The following TRIM23 variants were observed in gnomAD, a reference collection of about 807,000 sequenced individuals.
TRIM23 encodes tripartite motif containing 23.
TRIM23 carries 27 observed loss-of-function variants against 71.0 expected under a neutral mutation model. That is an observed-to-expected ratio of 0.38 (90% confidence interval 0.28 to 0.52). The LOEUF is 0.52. Among genes scored for constraint, TRIM23 ranks in the 20% least tolerant of loss-of-function variants. The probability of loss-of-function intolerance (pLI) is 0.84; values close to 1 mark genes in which losing one functional copy is unlikely to be tolerated. For synonymous variants in TRIM23, 234 were observed against 238.0 expected (o/e 0.98, Z 0.16); for missense variants, 482 against 692.3 (o/e 0.70, Z 3.41).
chr5:65,594,270 GTCT>G (rs1477954918), intron 10 of TRIM23, among the ~76,000 whole-genome samples: 1 of 152,088 alleles, frequency 6.6e-6, no homozygotes, highest in African/African-American at 2.4e-5. Flanking sequence ...TTACTTATCA[GTCT>G]TCTTCGTATT....
chr5:65,610,783 C>T, intron 5 of TRIM23, 78 bp downstream of exon 5: 2 of 1,260,274 alleles, frequency 1.6e-6, no homozygotes, highest in South Asian at 1.5e-5. Context: ...TTGTAATTGC[C>T]CATTAATTAC....
chr5:65,619,296 T>G (rs1754856342), intron 1 of TRIM23, among the ~76,000 whole-genome samples: 1 of 152,150 alleles, frequency 6.6e-6, no homozygotes, highest in Non-Finnish European at 1.5e-5. Flanking sequence ...GGCCCCGATG[T>G]ACTCTGTATA....
At chr5:65,621,752 A>G (rs1205515139) in intron 1 of TRIM23, among the ~76,000 whole-genome samples, 1 of 152,156 alleles carries the variant, frequency 6.6e-6, no homozygotes, top group African/African-American at 2.4e-5. Flanking sequence ...AAAAATGCCA[A>G]AAAAGCTTCA....
intron 5 of TRIM23, among the ~76,000 whole-genome samples, chr5:65,610,321 C>T (rs1357421787): frequency 6.6e-6 from 1 of 152,202 alleles, no homozygotes; most frequent in Non-Finnish European, 1.5e-5. Flanking sequence ...TGGCTCATCA[C>T]TGTCCTTAAA....
In TRIM23 at chr5:65,621,682, G is replaced by C. The variant is rs184774284; in HGVS notation, c.81+2512C>G. ...AATATTTCCTCAGTATCTATAAATA[G>C]GAATTGTGGTTAACAGCAAAAAACC... On this transcript the variant is annotated intron_variant, in intron 1 of 10. Transcript: ENST00000231524. 1.6e-3 allele frequency among the ~76,000 whole-genome samples: 243 copies of C among 152,022 alleles called. 1 individual carries two copies. The highest frequency in any genetic ancestry group is 2.8e-3 in the Non-Finnish European group (191 of 68,002).
chr5:65,592,876 G>A (rs1335018540), intron 10 of TRIM23, among the ~76,000 whole-genome samples: 1 of 152,120 alleles, frequency 6.6e-6, no homozygotes, highest in Non-Finnish European at 1.5e-5. Flanking sequence ...TTGTGTGGCT[G>A]CAACATAATT....
Position 65,591,271 on chromosome 5 carries a change from A to G in TRIM23, c.*498T>C. Reference sequence around the variant, plus strand: ...CATAAAGTAATCCTATTATCCAAATATGTAGTTTGGATTCTATTTCATTAA... The same window carrying G: ...CATAAAGTAATCCTATTATCCAAATGTGTAGTTTGGATTCTATTTCATTAA... On this transcript the variant is annotated 3_prime_UTR_variant, in exon 11 of 11. Transcript: ENST00000231524. 1 of 1,347,586 alleles carries G rather than the reference A, an allele frequency of 7.4e-7. No homozygotes were observed. The highest frequency in any genetic ancestry group is 9.5e-7 in the Non-Finnish European group (1 of 1,052,172). 83.5% of individuals were successfully genotyped at this position (1,347,586 alleles called of 1,614,324 possible). A position where few individuals can be genotyped will look rare whatever the true frequency, so the allele number is the denominator to read the frequency against.
Position 65,590,586 on chromosome 5 carries a change from C to T in TRIM23, c.*1183G>A. 4 of 1,023,706 alleles carry T rather than the reference C, an allele frequency of 3.9e-6. No individual in the cohort carries two copies. Among genetic ancestry groups the T allele is most frequent in the Non-Finnish European group, 4.7e-6 (4 of 846,302 alleles). 63.4% of individuals were successfully genotyped at this position (1,023,706 alleles called of 1,614,324 possible). On this transcript the variant is annotated 3_prime_UTR_variant, in exon 11 of 11. Transcript: ENST00000231524. ...TCTCAATGTACCTATTTAAATAAATCGTGCTTCCATAATAATATTCTTTAA... is the reference window on the plus strand; with the variant it reads ...TCTCAATGTACCTATTTAAATAAATTGTGCTTCCATAATAATATTCTTTAA...
At chr5:65,604,684 T>C (rs1754451540) in intron 7 of TRIM23, 1 of 381,506 alleles carries the variant, frequency 2.6e-6, no homozygotes, top group African/African-American at 2.1e-5. Context: ...ACTTCACAAA[T>C]TTGTGTGTCA....
intron 10 of TRIM23, among the ~76,000 whole-genome samples, chr5:65,594,001 T>G (rs1162325554): frequency 2.0e-5 from 3 of 152,250 alleles, no homozygotes; most frequent in Admixed American, 1.3e-4. Context: ...AGTCTAGCAC[T>G]GTCAGACCTT....
chr5:65,597,372 GACC>G (rs1610933), intron 7 of TRIM23, among the ~76,000 whole-genome samples, 192 bp from the exon 8 acceptor site: 93,920 of 151,630 alleles, frequency 0.62, 29,312 homozygotes, highest in South Asian at 0.65. Context: ...TAGTAAAACT[GACC>G]ACTTTGTCTT....
In TRIM23 at chr5:65,604,914, T is replaced by C. The variant is rs753313706; in HGVS notation, c.1176A>G (p.Thr392=). 6.2e-7 allele frequency: 1 copy of C among 1,612,694 alleles called. No homozygotes were observed. The highest frequency in any genetic ancestry group is 1.3e-5 in the African/African-American group (1 of 74,876). Residue 392 remains threonine (T), a synonymous_variant, in exon 7 of 11, where the codon ACA becomes ACG. Coordinates refer to ENST00000231524, the MANE Select transcript of TRIM23 (RefSeq NM_001656.4). ...QLDASIPVTF[T]KDNRVHIGPK... is the part of the protein sequence containing the mutation. ...AAAATAAAGTACAGTACATTACCTT[T>C]GTAAAAGTGACAGGGATGCTGGCAT...
At chr5:65,604,390 C>T (rs184935568) in intron 7 of TRIM23, among the ~76,000 whole-genome samples, 127 of 152,136 alleles carry the variant, frequency 8.3e-4, no homozygotes, top group Admixed American at 3.5e-3. Context: ...CCACCGCACC[C>T]GGCCCCAATT....
At chr5:65,621,455 C>T (rs1287952037) in intron 1 of TRIM23, among the ~76,000 whole-genome samples, 5 of 152,160 alleles carry the variant, frequency 3.3e-5, no homozygotes, top group Admixed American at 3.3e-4. Context: ...CTCCAAAGAA[C>T]CATATTAAAA....
rs200452462 is a variant in TRIM23 at position 65,618,255 on chromosome 5, C to T, written c.82G>A (p.Val28Met). ...QGSRGTAVVK[V>M]LECGVCEDVF... ...TCTTCACAAACTCCACACTCTAGCA[C>T]CTAATATTTGAAAAGGAAGGATGTG... Residue 28 changes from valine to methionine, a missense_variant and splice_region_variant, in exon 2 of 11, where the codon GTG (valine) becomes ATG (methionine). By Grantham distance (21) the Val-to-Met change is conservative (BLOSUM62 1). Transcript: ENST00000231524. The T allele has an allele frequency of 2.5e-6, 4 of 1,606,486 alleles. No individual in the cohort carries two copies. The highest frequency in any genetic ancestry group is 2.7e-5 in the African/African-American group (2 of 74,558).
intron 7 of TRIM23, among the ~76,000 whole-genome samples, chr5:65,602,628 A>C (rs1282250828): frequency 2.0e-5 from 3 of 152,246 alleles, no homozygotes; most frequent in East Asian, 3.9e-4. Flanking sequence ...CACGCTGCTG[A>C]TAAGGACATA....
chr5:65,603,743 A>C (rs777132816), intron 7 of TRIM23, among the ~76,000 whole-genome samples: 2 of 152,162 alleles, frequency 1.3e-5, no homozygotes, highest in Non-Finnish European at 2.9e-5. Context: ...ACACATGAAC[A>C]CTTTTTAATC....
At chr5:65,614,014 T>A in intron 3 of TRIM23, 84 bp downstream of exon 3, 1 of 1,563,586 alleles carries the variant, frequency 6.4e-7, no homozygotes, top group Middle Eastern at 1.7e-4. Flanking sequence ...CTGAAATAAA[T>A]GAAGTAATAT....
chr5:65,604,735 T>C (rs1754453048), intron 7 of TRIM23, 176 bp downstream of exon 7: 2 of 483,998 alleles, frequency 4.1e-6, no homozygotes, highest in African/African-American at 4.0e-5. Flanking sequence ...ATTCCAATTT[T>C]AGTATATGTG....
Sources: allele counts gnomAD v4.1 joint callset (sites outside exome capture counted in the v4.1 genomes callset), GRCh38; gene constraint gnomAD v4.1.1; transcripts MANE v1.5; gene names NCBI Gene and HGNC (gene_info 2026-07-23, HGNC 2026-07-21).